GABRR3: variants seen among roughly 807,000 people sequenced by gnomAD.
GABRR3 encodes gamma-aminobutyric acid type A receptor subunit rho3, also known as gamma-aminobutyric acid receptor subunit rho-3.
A neutral mutation model predicts 43.2 loss-of-function variants in GABRR3; 29 were observed. That is an observed-to-expected ratio of 0.67 (90% CI 0.50 to 0.92). The LOEUF (loss-of-function observed/expected upper bound fraction) is 0.92, where lower values mean the gene tolerates loss of function less well. Ranked by LOEUF, GABRR3 falls within the 40% of genes least tolerant of loss-of-function variation. GABRR3 has a pLI of 0.00. For missense variants in GABRR3, 576 were observed against 572.3 expected (o/e 1.01, Z -0.07); for synonymous variants, 206 against 195.9 (o/e 1.05, Z -0.43).
At chr3:98,025,543 G>A in intron 3 of GABRR3, 24 bp downstream of exon 3, 1 of 1,507,304 alleles carries the variant, frequency 6.6e-7, no homozygotes, top group Non-Finnish European at 9.1e-7. Context: ...GTTTTGAAAT[G>A]AATTTTGAGA....
At chr3:98,018,468 A>G (rs1706900798) in intron 3 of GABRR3, among the ~76,000 whole-genome samples, 1 of 152,190 alleles carries the variant, frequency 6.6e-6, no homozygotes, top group African/African-American at 2.4e-5. Context: ...AGTCACCCAG[A>G]ATCAGGTTCA....
intron 8 of GABRR3, chr3:97,999,212 G>A (rs142313015): frequency 1.3e-5 from 2 of 152,218 alleles, no homozygotes; most frequent in Non-Finnish European, 2.9e-5. Context: ...TTTCCGTGAT[G>A]TAAGGGTTTG....
intron 7 of GABRR3, 162 bp from the exon 8 acceptor site, chr3:98,001,929 A>C: frequency 4.9e-6 from 1 of 205,358 alleles, no homozygotes; most frequent in Non-Finnish European, 8.6e-6. Flanking sequence ...ACATTTGTTC[A>C]ACCAGCTGAA....
At chr3:98,003,016 C>A (rs575897628) in intron 7 of GABRR3, among the ~76,000 whole-genome samples, 2 of 152,202 alleles carry the variant, frequency 1.3e-5, no homozygotes, top group South Asian at 2.1e-4. Context: ...TTCTTCCTTA[C>A]CTAGTTCTAA....
intron 2 of GABRR3, among the ~76,000 whole-genome samples, chr3:98,033,475 TA>T (rs1559783253): frequency 6.6e-6 from 1 of 152,130 alleles, no homozygotes; most frequent in African/African-American, 2.4e-5. Flanking sequence ...AAATGTCACC[TA>T]AAAAATATAC....
downstream of GABRR3, among the ~76,000 whole-genome samples, chr3:97,986,289 G>A (rs1031305484): frequency 1.3e-5 from 2 of 152,186 alleles, no homozygotes; most frequent in Admixed American, 1.3e-4. Context: ...TGCCTAGGAC[G>A]GTTGAGCTCT....
At chr3:98,028,676 A>G (rs1489045595) in intron 2 of GABRR3, among the ~76,000 whole-genome samples, 1 of 152,178 alleles carries the variant, frequency 6.6e-6, no homozygotes, top group East Asian at 1.9e-4. Context: ...AGGACACTGC[A>G]GGTGGTGAGT....
chr3:98,030,797 T>C (rs1576052969), intron 2 of GABRR3, among the ~76,000 whole-genome samples: 1 of 152,316 alleles, frequency 6.6e-6, no homozygotes, highest in East Asian at 1.9e-4. Context: ...CTCAGCTAAC[T>C]GTTCCAAATA....
At chr3:98,033,151 G>A (rs1357750363) in intron 2 of GABRR3, among the ~76,000 whole-genome samples, 1 of 152,184 alleles carries the variant, frequency 6.6e-6, no homozygotes, top group African/African-American at 2.4e-5. Flanking sequence ...TTCTGGACCA[G>A]TGTGATGGTT....
At chr3:98,010,022 C>A (rs144843500) in intron 5 of GABRR3, among the ~76,000 whole-genome samples, 11 of 152,320 alleles carry the variant, frequency 7.2e-5, no homozygotes, top group African/African-American at 2.4e-4. Flanking sequence ...ACCAGGGGAT[C>A]TGGCTCTGGG....
At chr3:98,012,005 T>C (rs1706798514) in intron 5 of GABRR3, among the ~76,000 whole-genome samples, 1 of 151,722 alleles carries the variant, frequency 6.6e-6, no homozygotes, top group Admixed American at 6.6e-5. Context: ...GTTCCAAAAC[T>C]GCTTGGTGGG....
At chr3:97,994,965 TA>T (rs1217900243) in intron 8 of GABRR3, among the ~76,000 whole-genome samples, 1 of 152,106 alleles carries the variant, frequency 6.6e-6, no homozygotes, top group African/African-American at 2.4e-5. Flanking sequence ...ACTTAGGTGC[TA>T]ACCTCATTAA....
intron 8 of GABRR3, chr3:98,000,808 G>C (rs1706628620): frequency 1.3e-5 from 2 of 151,944 alleles, no homozygotes; most frequent in Admixed American, 6.6e-5. Flanking sequence ...GCCCTGACCA[G>C]CAAAAAAGGC....
At chr3:98,019,235 C>T (rs1196022731) in intron 3 of GABRR3, among the ~76,000 whole-genome samples, 3 of 152,162 alleles carry the variant, frequency 2.0e-5, no homozygotes, top group African/African-American at 4.8e-5. Flanking sequence ...GCTGAGGCTA[C>T]GTAATGCCTG....
intron 7 of GABRR3, among the ~76,000 whole-genome samples, chr3:98,005,524 GCAT>G (rs1424447878): frequency 6.6e-6 from 1 of 152,058 alleles, no homozygotes; most frequent in Non-Finnish European, 1.5e-5. Flanking sequence ...TAAAATGCAA[GCAT>G]CTTTGTAAGC....
intron 2 of GABRR3, among the ~76,000 whole-genome samples, chr3:98,032,680 G>T (rs1707104619): frequency 6.6e-6 from 1 of 152,132 alleles, no homozygotes; most frequent in African/African-American, 2.4e-5. Context: ...GGTTTTGAAA[G>T]AAGGGAATCT....
At chr3:98,001,739 A>C in exon 8 of GABRR3, 1 of 1,613,158 alleles carries the variant, frequency 6.2e-7, no homozygotes, top group Non-Finnish European at 8.5e-7. Flanking sequence ...TCCTTAGCAC[A>C]AAGTTGATGA....
intron 3 of GABRR3, among the ~76,000 whole-genome samples, chr3:98,021,583 A>AT (rs1485426063): frequency 1.3e-5 from 2 of 152,212 alleles, no homozygotes; most frequent in Non-Finnish European, 2.9e-5. Flanking sequence ...ACCAACTTAC[A>AT]TGTTATCTAT....
chr3:98,025,653 T>C (rs1417132579), exon 3 of GABRR3: 2 of 1,611,872 alleles, frequency 1.2e-6, no homozygotes, highest in African/African-American at 2.7e-5. Flanking sequence ...GGTACTGTCA[T>C]CTTTCTTCAT....
Sources: allele counts gnomAD v4.1 joint callset (sites outside exome capture counted in the v4.1 genomes callset), GRCh38; gene constraint gnomAD v4.1.1; transcripts MANE v1.5; gene names NCBI Gene and HGNC (gene_info 2026-07-23, HGNC 2026-07-21).